The following DPP10 variants were observed in gnomAD, a reference collection of about 807,000 sequenced individuals.
DPP10 encodes the protein dipeptidyl peptidase like 10.
DPP10 carries 33 observed loss-of-function variants against 120.9 expected under a neutral mutation model. The ratio of observed to expected loss-of-function variants is 0.27; its 90% CI spans 0.21 to 0.37. The LOEUF is 0.37. Ranked by LOEUF, DPP10 falls within the 10% of genes least tolerant of loss-of-function variation. The pLI, the probability that DPP10 is intolerant of heterozygous loss-of-function variation, is 1.00. For synonymous variants in DPP10, 337 were observed against 326.1 expected, an observed-to-expected ratio of 1.03 and a Z score of -0.36; for missense variants, 816 against 942.8, an observed-to-expected ratio of 0.87 and a Z score of 1.76.
chr2:115,045,467 G>A (rs1416845054), intron 1 of DPP10, among the ~76,000 whole-genome samples: 4 of 151,938 alleles, frequency 2.6e-5, no homozygotes, highest in Non-Finnish European at 5.9e-5. Flanking sequence ...CTCTAACTTT[G>A]GAAAGTTCTA....
At chr2:115,378,315 A>G (rs1002034364) in intron 3 of DPP10, among the ~76,000 whole-genome samples, 12 of 145,080 alleles carry the variant, frequency 8.3e-5, no homozygotes, top group South Asian at 4.4e-4. Context: ...CTTTGAAGCA[A>G]TTGTGAATGG....
Position 114,823,458 on chromosome 2 carries a change from T to A in DPP10, c.60+380620T>A, listed in dbSNP as rs141403942. Among the ~76,000 whole-genome samples the A allele has an allele frequency of 4.4e-3, 671 of 152,250 alleles. 10 individuals are homozygous for A. Among genetic ancestry groups the A allele is most frequent in the African/African-American group, 0.015 (630 of 41,542 alleles). On this transcript the variant is annotated intron_variant, in intron 1 of 25. Transcript: ENST00000410059. ...AGCCAAAACATATCCCATCTTAAAA[T>A]TTTATCTTATTCCACATTGAGCTTT...
intron 1 of DPP10, among the ~76,000 whole-genome samples, chr2:115,242,062 T>C (rs2105577437): frequency 6.6e-6 from 1 of 152,202 alleles, no homozygotes; most frequent in East Asian, 1.9e-4. Context: ...CATGAGTAAG[T>C]TCTTTAGTGG....
At chr2:114,569,797 A>T (rs1356709236) in intron 1 of DPP10, among the ~76,000 whole-genome samples, 1 of 152,114 alleles carries the variant, frequency 6.6e-6, no homozygotes, top group Non-Finnish European at 1.5e-5. Context: ...AGATAATTTA[A>T]ACTAGAGTGA....
intron 1 of DPP10, among the ~76,000 whole-genome samples, chr2:114,910,824 C>T (rs1574469429): frequency 1.3e-5 from 2 of 152,146 alleles, no homozygotes; most frequent in South Asian, 2.1e-4. Flanking sequence ...AATTTTGATA[C>T]ATTTTTTTCA....
At chr2:114,986,235 A>G (rs564068631) in intron 1 of DPP10, among the ~76,000 whole-genome samples, 1 of 152,358 alleles carries the variant, frequency 6.6e-6, no homozygotes, top group South Asian at 2.1e-4. Flanking sequence ...AGAGACTAGT[A>G]AACCTATCCC....
At chr2:114,681,068 C>T (rs1698994586) in intron 1 of DPP10, among the ~76,000 whole-genome samples, 1 of 151,892 alleles carries the variant, frequency 6.6e-6, no homozygotes, top group Admixed American at 6.6e-5. Context: ...AAATATCCTA[C>T]CCAATTCTGC....
intron 1 of DPP10, among the ~76,000 whole-genome samples, chr2:115,106,841 C>T (rs1434697355): frequency 1.3e-5 from 2 of 151,998 alleles, no homozygotes; most frequent in Admixed American, 6.6e-5. Context: ...TTTGGGAGGC[C>T]GAGGCGGGTG....
At chr2:115,033,016 G>A (rs1703955299) in intron 1 of DPP10, among the ~76,000 whole-genome samples, 1 of 152,100 alleles carries the variant, frequency 6.6e-6, no homozygotes, top group African/African-American at 2.4e-5. Context: ...TTTCCACAGT[G>A]ACTCCTTGCA....
chr2:115,483,473 A>G (rs62154918), intron 3 of DPP10, among the ~76,000 whole-genome samples: 1 of 7,980 alleles, frequency 1.3e-4, no homozygotes, highest in Admixed American at 2.2e-3. Flanking sequence ...CTATCTATCT[A>G]TCTATCTGTA....
chr2:115,721,561 A>G lies in DPP10; in HGVS notation c.577-6255A>G, dbSNP rs886815793. ...CAGGGAAATGCAAATCAAAACTACAATGAGATACCACTTCACACCTGTCAA... is the reference window on the plus strand; with the variant it reads ...CAGGGAAATGCAAATCAAAACTACAGTGAGATACCACTTCACACCTGTCAA... On this transcript the variant is annotated intron_variant, in intron 7 of 25. Coordinates refer to ENST00000410059, the MANE Select transcript of DPP10 (RefSeq NM_020868.6). Among the ~76,000 whole-genome samples the G allele has an allele frequency of 3.9e-5, 6 of 152,260 alleles. No homozygotes were observed. The East Asian group carries it at 5.8e-4, about 15-fold the overall frequency.
At chr2:114,955,331 G>C (rs1265051742) in intron 1 of DPP10, among the ~76,000 whole-genome samples, 4 of 152,118 alleles carry the variant, frequency 2.6e-5, no homozygotes, top group Admixed American at 2.6e-4. Flanking sequence ...TGTTTTATCA[G>C]CAAGGTCTTC....
chr2:115,549,284 G>A (rs1242204045), intron 5 of DPP10, among the ~76,000 whole-genome samples: 3 of 152,076 alleles, frequency 2.0e-5, no homozygotes, highest in Non-Finnish European at 2.9e-5. Flanking sequence ...TTCTATATCT[G>A]TGCTGTGTTT....
intron 1 of DPP10, among the ~76,000 whole-genome samples, chr2:114,446,989 T>A (rs983324186): frequency 6.6e-6 from 1 of 152,114 alleles, no homozygotes; most frequent in East Asian, 1.9e-4. Context: ...ATTGGCATGA[T>A]GAGATGGCTT....
chr2:115,381,637 T>C (rs939956518), intron 3 of DPP10, among the ~76,000 whole-genome samples: 1 of 152,226 alleles, frequency 6.6e-6, no homozygotes, highest in African/African-American at 2.4e-5. Context: ...CTCTGCTTTT[T>C]AGAGTTTCCA....
At chr2:114,690,076 C>T (rs1199806984) in intron 1 of DPP10, among the ~76,000 whole-genome samples, 2 of 151,958 alleles carry the variant, frequency 1.3e-5, no homozygotes, top group Non-Finnish European at 2.9e-5. Context: ...TGAAGATGCT[C>T]TTTAGTTTAA....
intron 1 of DPP10, among the ~76,000 whole-genome samples, chr2:114,727,559 C>A (rs1676457076): frequency 6.6e-6 from 1 of 152,176 alleles, no homozygotes; most frequent in Non-Finnish European, 1.5e-5. Context: ...CACTGGCCTC[C>A]ATTGGCTTTG....
At chr2:114,511,095 C>A (rs1684109647) in intron 1 of DPP10, among the ~76,000 whole-genome samples, 1 of 152,106 alleles carries the variant, frequency 6.6e-6, no homozygotes, top group Non-Finnish European at 1.5e-5. Context: ...ACTAACAATT[C>A]AATCTTATAC....
intron 1 of DPP10, among the ~76,000 whole-genome samples, chr2:114,900,529 G>T (rs556674004): frequency 1.8e-4 from 27 of 152,288 alleles, no homozygotes; most frequent in Admixed American, 1.5e-3. Flanking sequence ...CAGCTTTGAA[G>T]TCTTTGCTCT....
Sources: allele counts gnomAD v4.1 joint callset (sites outside exome capture counted in the v4.1 genomes callset), GRCh38; gene constraint gnomAD v4.1.1; transcripts MANE v1.5; gene names NCBI Gene and HGNC (gene_info 2026-07-23, HGNC 2026-07-21).